Variants in DIP2A observed in about 807,000 individuals in gnomAD.
DIP2A encodes the protein DIP2 acetate--CoA ligase A.
In DIP2A, 85 loss-of-function variants were observed where a neutral mutation model predicts 177.4. That is an observed-to-expected ratio of 0.48 (90% CI 0.40 to 0.57). The LOEUF is 0.57. DIP2A is among the 20% of genes least tolerant of loss of function. The pLI, the probability that DIP2A is intolerant of heterozygous loss-of-function variation, is 0.00. For synonymous variants in DIP2A, 886 were observed against 881.8 expected, an observed-to-expected ratio of 1.00 and a Z score of -0.08; for missense variants, 1,791 against 2,100.2, an observed-to-expected ratio of 0.85 and a Z score of 2.88.
chr21:46,520,584 C>A (rs1262774583), intron 8 of DIP2A, among the ~76,000 whole-genome samples: 1 of 152,218 alleles, frequency 6.6e-6, no homozygotes, highest in Non-Finnish European at 1.5e-5. Context: ...ATAAAACCAC[C>A]TTCTAAAGAG....
chr21:46,583,790 G>A, the DIP2A span, among the ~76,000 whole-genome samples: 35 of 152,246 alleles, frequency 2.3e-4, no homozygotes, highest in African/African-American at 8.4e-4. Flanking sequence ...GCAGCACAAG[G>A]GTCCTGCCAG....
At chr21:46,548,214 G>T (rs1313131881) in intron 21 of DIP2A, among the ~76,000 whole-genome samples, 1 of 149,496 alleles carries the variant, frequency 6.7e-6, no homozygotes, top group African/African-American at 2.5e-5. Context: ...GTGTGTTTGT[G>T]TGCGCCTGCG....
chr21:46,506,722 GTTTT>G (rs76152752), intron 6 of DIP2A, among the ~76,000 whole-genome samples: 2 of 38,004 alleles, frequency 5.3e-5, no homozygotes, highest in Non-Finnish European at 1.1e-4. Context: ...AATTGTGCTT[GTTTT>G]TCTTTCTTTC....
chr21:46,509,889 C>G (rs1193773184), intron 7 of DIP2A, among the ~76,000 whole-genome samples: 1 of 152,154 alleles, frequency 6.6e-6, no homozygotes, highest in Non-Finnish European at 1.5e-5. Flanking sequence ...GTCCTACTCG[C>G]AGACCTTGGC....
chr21:46,470,923 GT>G (rs1364653631), intron 1 of DIP2A, among the ~76,000 whole-genome samples: 2 of 108,504 alleles, frequency 1.8e-5, no homozygotes, highest in Admixed American at 2.0e-4. Context: ...GTGAAATTCT[GT>G]TTCAGAAAAA....
chr21:46,502,212 T>G (rs2057690668), intron 5 of DIP2A, among the ~76,000 whole-genome samples: 1 of 152,088 alleles, frequency 6.6e-6, no homozygotes. Flanking sequence ...CCTAGCTCAC[T>G]GTAACCTGGA....
intron 1 of DIP2A, among the ~76,000 whole-genome samples, chr21:46,463,684 G>GTGTA (rs2054530645): frequency 1.6e-5 from 2 of 121,758 alleles, no homozygotes; most frequent in Admixed American, 7.3e-5. Flanking sequence ...ATATATTTGT[G>GTGTA]TGTGTGTGTG....
chr21:46,474,728 T>G (rs1413872788), intron 1 of DIP2A, among the ~76,000 whole-genome samples: 1 of 152,180 alleles, frequency 6.6e-6, no homozygotes. Context: ...AGTGATCATT[T>G]AGCCTCAGCC....
chr21:46,471,750 C>T (rs562972074), intron 1 of DIP2A, among the ~76,000 whole-genome samples: 3 of 152,198 alleles, frequency 2.0e-5, no homozygotes, highest in Non-Finnish European at 4.4e-5. Flanking sequence ...GGCCTCTGTT[C>T]TTAGGATTTC....
intron 6 of DIP2A, 125 bp from the exon 7 acceptor site, chr21:46,509,132 G>GAT (rs2058179649): frequency 1.9e-6 from 2 of 1,043,698 alleles, no homozygotes; most frequent in African/African-American, 3.2e-5. Flanking sequence ...CTGTCCAGTG[G>GAT]GGCCCACACT....
chr21:46,543,322 C>G (rs2059894779), intron 18 of DIP2A, among the ~76,000 whole-genome samples: 1 of 152,212 alleles, frequency 6.6e-6, no homozygotes, highest in African/African-American at 2.4e-5. Flanking sequence ...GGTCATGATT[C>G]TGAATGAATC....
At position 46,556,319 on chromosome 21, in the gene DIP2A, A is replaced by G. The variant is rs2060465175; in HGVS notation, c.3498+228A>G. On this transcript the variant is annotated intron_variant, in intron 29 of 37. Coordinates refer to ENST00000417564, the MANE Select transcript of DIP2A (RefSeq NM_015151.4). This position sits in a 1 kb window ranked among gnomAD's most constrained non-coding sequence, Gnocchi z 4.5. ...TGGTTATGTCTAAACTTTCTGATTT[A>G]TGACTGTCTAGCTTACAGGAACTGG... The G allele has an allele frequency of 6.7e-7, 1 of 1,486,462 alleles. No individual in the cohort carries two copies. The highest frequency in any genetic ancestry group is 1.4e-5 in the African/African-American group (1 of 71,728). The allele number at this position is 1,486,462 out of a possible 1,614,324, so 92.1% of individuals were successfully genotyped here. A position where few individuals can be genotyped will look rare whatever the true frequency, so the allele number is the denominator to read the frequency against.
At chr21:46,523,587 C>G (rs2058929420) in intron 8 of DIP2A, among the ~76,000 whole-genome samples, 1 of 119,238 alleles carries the variant, frequency 8.4e-6, no homozygotes, top group Non-Finnish European at 1.9e-5. Flanking sequence ...CTCTTATTAC[C>G]CAACTTCAGC....
chr21:46,559,864 G>C (rs1268608073), intron 32 of DIP2A, among the ~76,000 whole-genome samples: 1 of 152,184 alleles, frequency 6.6e-6, no homozygotes, highest in African/African-American at 2.4e-5. Context: ...GGCTGAGCAG[G>C]TATGACCTTG....
intron 2 of DIP2A, among the ~76,000 whole-genome samples, chr21:46,489,075 A>C (rs1163574981): frequency 1.4e-5 from 2 of 147,864 alleles, no homozygotes; most frequent in African/African-American, 2.5e-5. Flanking sequence ...ATATATATAC[A>C]CACACAGACA....
the DIP2A span, among the ~76,000 whole-genome samples, chr21:46,576,700 A>G: frequency 6.6e-6 from 1 of 152,188 alleles, no homozygotes; most frequent in African/African-American, 2.4e-5. Flanking sequence ...AAATTGCCAC[A>G]CTGTCTTCCA....
In DIP2A at chr21:46,534,027, G is replaced by C. The variant is rs1472889070; in HGVS notation, c.1453G>C (p.Val485Leu). ...AGGTTGGCCCCCGCTCTCCTGGCTAGTGATTGATGGGAAGCATCTAGCCAA... is the reference window on the plus strand; with the variant it reads ...AGGTTGGCCCCCGCTCTCCTGGCTACTGATTGATGGGAAGCATCTAGCCAA... ...FKGWPPLSWL[V>L]IDGKHLAKPP... The change falls in exon 12 of 38, where the codon GTG (valine) becomes CTG (leucine). Residue 485 changes from valine to leucine, a missense_variant. Val to Leu is a conservative substitution (Grantham distance 32). Coordinates refer to ENST00000417564, the MANE Select transcript of DIP2A (RefSeq NM_015151.4). 1 of 1,613,702 alleles carries C rather than the reference G, an allele frequency of 6.2e-7. No homozygotes were observed. The highest frequency in any genetic ancestry group is 8.5e-7 in the Non-Finnish European group (1 of 1,179,830).
At chr21:46,496,891 T>C in intron 3 of DIP2A, 97 bp from the exon 4 acceptor site, 1 of 1,293,576 alleles carries the variant, frequency 7.7e-7, no homozygotes. Flanking sequence ...TCTATTCCTT[T>C]TACCCCCACT....
chr21:46,477,447 A>T (rs2055950661), intron 1 of DIP2A, among the ~76,000 whole-genome samples: 1 of 150,404 alleles, frequency 6.6e-6, no homozygotes, highest in South Asian at 2.1e-4. Context: ...GAATTGCTTG[A>T]ACCCAGGAGG....
Sources: allele counts gnomAD v4.1 joint callset (sites outside exome capture counted in the v4.1 genomes callset), GRCh38; gene constraint gnomAD v4.1.1; non-coding constraint Gnocchi (gnomAD v3.1); transcripts MANE v1.5; gene names NCBI Gene and HGNC (gene_info 2026-07-23, HGNC 2026-07-21).